Variants in FCHO2 observed in about 807,000 individuals in gnomAD.
FCHO2 encodes the protein FCH and mu domain containing endocytic adaptor 2, also known as F-BAR domain only protein 2.
A neutral mutation model predicts 114.1 loss-of-function variants in FCHO2; 43 were observed. The ratio of observed to expected loss-of-function variants is 0.38; its 90% CI spans 0.30 to 0.49. The LOEUF (loss-of-function observed/expected upper bound fraction) is 0.49, where lower values mean the gene tolerates loss of function less well. Ranked by LOEUF, FCHO2 falls within the 20% of genes least tolerant of loss-of-function variation. The pLI, the probability that FCHO2 is intolerant of heterozygous loss-of-function variation, is 0.97. For missense variants in FCHO2, 807 were observed against 950.4 expected (o/e 0.85, Z 1.98); for synonymous variants, 293 against 315.2 (o/e 0.93, Z 0.75).
intron 1 of FCHO2, among the ~76,000 whole-genome samples, chr5:72,958,904 A>G (rs1230504336): frequency 1.3e-5 from 2 of 152,232 alleles, no homozygotes; most frequent in Non-Finnish European, 2.9e-5. Flanking sequence ...AGCTTTGAGC[A>G]TAGCTTTGTT....
intron 5 of FCHO2, among the ~76,000 whole-genome samples, chr5:73,001,736 A>G (rs1386979343): frequency 2.0e-5 from 3 of 151,748 alleles, no homozygotes; most frequent in Admixed American, 1.3e-4. Context: ...CAGGAGTTCA[A>G]AACCAGCCTG....
intron 1 of FCHO2, among the ~76,000 whole-genome samples, chr5:72,962,884 T>C (rs1465766547): frequency 6.8e-6 from 1 of 147,948 alleles, no homozygotes; most frequent in African/African-American, 2.5e-5. Context: ...AGAGCAAGAC[T>C]CTGTCTCAAA....
chr5:73,034,736 G>A (rs1232006919), intron 9 of FCHO2, 35 bp downstream of exon 9: 2 of 1,518,508 alleles, frequency 1.3e-6, no homozygotes, highest in Non-Finnish European at 8.9e-7. Context: ...TAATGCACAT[G>A]GCAGCTAGCT....
intron 11 of FCHO2, among the ~76,000 whole-genome samples, chr5:73,044,975 A>G (rs1176532408): frequency 3.9e-5 from 6 of 152,200 alleles, no homozygotes; most frequent in Non-Finnish European, 5.9e-5. Flanking sequence ...GTTTTTATTA[A>G]TATCAGGTTT....
At chr5:73,063,427 A>G (rs1580188876) in intron 17 of FCHO2, among the ~76,000 whole-genome samples, 1 of 152,092 alleles carries the variant, frequency 6.6e-6, no homozygotes, top group Non-Finnish European at 1.5e-5. Context: ...TATTTTATTT[A>G]GAGTTTACAA....
At chr5:73,063,359 A>G (rs2112862418) in intron 17 of FCHO2, among the ~76,000 whole-genome samples, 1 of 136,880 alleles carries the variant, frequency 7.3e-6, no homozygotes, top group South Asian at 2.2e-4. Flanking sequence ...GTACCCCCCA[A>G]AATGTTACAA....
intron 16 of FCHO2, 137 bp from the exon 17 acceptor site, chr5:73,058,296 C>A: frequency 1.9e-6 from 1 of 516,060 alleles, no homozygotes; most frequent in Non-Finnish European, 3.3e-6. Flanking sequence ...CAGGTGTGAG[C>A]CATGGTGCCT....
In FCHO2 at chr5:73,089,792, C is replaced by G. The variant is rs1055017877; in HGVS notation, c.*1702C>G. ...TACTAAATACAGCAGAAAATCTACT[C>G]TTTAGCAATATATAACACAGTATAT... On this transcript the variant is annotated 3_prime_UTR_variant, in exon 26 of 26. Coordinates refer to ENST00000430046, the MANE Select transcript of FCHO2 (RefSeq NM_138782.3). 7.2e-5 allele frequency: 11 copies of G among 152,496 alleles called. No homozygotes were observed. The highest frequency in any genetic ancestry group is 2.7e-4 in the African/African-American group (11 of 41,432). The allele number at this position is 152,496 out of a possible 1,614,324, so 9.4% of individuals were successfully genotyped here. A position where few individuals can be genotyped will look rare whatever the true frequency, so the allele number is the denominator to read the frequency against.
chr5:73,025,783 AT>A (rs1226462850), intron 8 of FCHO2, among the ~76,000 whole-genome samples: 1 of 152,096 alleles, frequency 6.6e-6, no homozygotes, highest in Non-Finnish European at 1.5e-5. Flanking sequence ...CATAGACAAA[AT>A]TTTGCTTGTG....
intron 8 of FCHO2, among the ~76,000 whole-genome samples, chr5:73,027,499 A>G (rs901999786): frequency 1.3e-5 from 2 of 152,024 alleles, no homozygotes; most frequent in African/African-American, 4.8e-5. Flanking sequence ...ATCCAAGGTC[A>G]CAAAGATTTT....
chr5:73,078,351 A>T, intron 22 of FCHO2, 39 bp downstream of exon 22: 1 of 1,525,916 alleles, frequency 6.6e-7, no homozygotes, highest in South Asian at 1.3e-5. Context: ...AAATTAAAAT[A>T]TTAAAAAATG....
chr5:72,994,022 CTA>C (rs1753948277), intron 5 of FCHO2, among the ~76,000 whole-genome samples: 1 of 152,136 alleles, frequency 6.6e-6, no homozygotes, highest in Admixed American at 6.5e-5. Flanking sequence ...AAACCCAAAA[CTA>C]TAAAAACTCT....
intron 17 of FCHO2, 102 bp from the exon 18 acceptor site, chr5:73,063,739 T>C (rs1005044609): frequency 1.0e-6 from 1 of 996,674 alleles, no homozygotes; most frequent in African/African-American, 1.6e-5. Flanking sequence ...TCCTGAAAAA[T>C]GAGCTTTGAT....
chr5:73,063,790 A>G (rs1300465753), intron 17 of FCHO2, 51 bp from the exon 18 acceptor site: 4 of 1,499,244 alleles, frequency 2.7e-6, no homozygotes, highest in African/African-American at 1.4e-5. Context: ...TTATGTAAGG[A>G]TTGCTACATA....
intron 24 of FCHO2, among the ~76,000 whole-genome samples, chr5:73,087,151 T>C (rs1743338475): frequency 6.6e-6 from 1 of 152,146 alleles, no homozygotes; most frequent in African/African-American, 2.4e-5. Flanking sequence ...AAAAGAAAAG[T>C]GAATAGAAAA....
chr5:73,039,056 G>A (rs928245622), intron 10 of FCHO2, among the ~76,000 whole-genome samples: 7 of 152,170 alleles, frequency 4.6e-5, no homozygotes, highest in African/African-American at 1.7e-4. Flanking sequence ...GCCACTTAGG[G>A]TGGTTTTTTG....
chr5:73,089,271 A>G lies in FCHO2; in HGVS notation c.*1181A>G, dbSNP rs1365603235. Reference sequence around the variant, plus strand: ...ATTTTCCTTGATACTTTATCATTGAAAATTTATGCATTTATTTACTGATTG... The same window carrying G: ...ATTTTCCTTGATACTTTATCATTGAGAATTTATGCATTTATTTACTGATTG... On this transcript the variant is annotated 3_prime_UTR_variant, in exon 26 of 26. Coordinates refer to ENST00000430046, the MANE Select transcript of FCHO2 (RefSeq NM_138782.3). The G allele has an allele frequency of 1.3e-5, 2 of 152,558 alleles. No individual in the cohort carries two copies. Among genetic ancestry groups the G allele is most frequent in the Non-Finnish European group, 2.9e-5 (2 of 67,982 alleles). The allele number at this position is 152,558 out of a possible 1,614,324, so 9.5% of individuals were successfully genotyped here.
intron 2 of FCHO2, among the ~76,000 whole-genome samples, chr5:72,988,408 A>C (rs954036506): frequency 2.0e-5 from 3 of 152,212 alleles, no homozygotes; most frequent in African/African-American, 7.2e-5. Context: ...ACTGTACTCC[A>C]GCCTGGGTGA....
In FCHO2 at chr5:73,074,757, C is replaced by T. The variant is rs1229258591; in HGVS notation, c.1595C>T (p.Pro532Leu). 3 of 1,612,406 alleles carry T rather than the reference C, an allele frequency of 1.9e-6. No individual in the cohort carries two copies. The highest frequency in any genetic ancestry group is 1.3e-5 in the African/African-American group (1 of 74,798). Residue 532 changes from proline to leucine, a missense_variant, in exon 20 of 26, where the codon CCC becomes CTC. Transcript: ENST00000430046. ...NTPTVGVSRG[P>L]SPVSLGNQDT... Reference sequence around the variant, plus strand: ...TATATTCTAGGTGTGTCACGGGGTCCCAGCCCTGTCAGCCTTGGAAATCAG... The same window carrying T: ...TATATTCTAGGTGTGTCACGGGGTCTCAGCCCTGTCAGCCTTGGAAATCAG...
Sources: allele counts gnomAD v4.1 joint callset (sites outside exome capture counted in the v4.1 genomes callset), GRCh38; gene constraint gnomAD v4.1.1; transcripts MANE v1.5; gene names NCBI Gene and HGNC (gene_info 2026-07-23, HGNC 2026-07-21).